The following CNTNAP2 variants were observed in gnomAD, a reference collection of about 807,000 sequenced individuals.
The protein encoded by CNTNAP2 is contactin associated protein 2, also known as contactin-associated protein-like 2.
Under a neutral mutation model 155.2 loss-of-function variants are expected in CNTNAP2, and 98 were observed. That is an observed-to-expected ratio of 0.63 (90% CI 0.54 to 0.75). CNTNAP2 has a LOEUF of 0.75. CNTNAP2 is among the 30% of genes least tolerant of loss of function. The probability of loss-of-function intolerance (pLI) is 0.00; values close to 1 mark genes in which losing one functional copy is unlikely to be tolerated. For missense variants in CNTNAP2, 1,727 were observed against 1,688.1 expected, an observed-to-expected ratio of 1.02 and a Z score of -0.40; for synonymous variants, 651 against 631.2, an observed-to-expected ratio of 1.03 and a Z score of -0.47.
chr7:147,975,006 T>TATACAATTTTTTGTATTACATATA (rs1563154313), intron 14 of CNTNAP2, among the ~76,000 whole-genome samples: 16 of 113,584 alleles, frequency 1.4e-4, no homozygotes, highest in Middle Eastern at 3.9e-3. Context: ...CAACATGTAT[T>TATACAATTTTTTGTATTACATATA]ATACAATTTT....
intron 5 of CNTNAP2, among the ~76,000 whole-genome samples, chr7:147,119,366 G>T (rs1024516491): frequency 6.6e-6 from 1 of 152,206 alleles, no homozygotes; most frequent in African/African-American, 2.4e-5. Context: ...GAGTTTTACT[G>T]ACTGACTGGA....
intron 2 of CNTNAP2, among the ~76,000 whole-genome samples, chr7:146,811,328 T>C (rs190133175): frequency 6.6e-6 from 1 of 152,164 alleles, no homozygotes; most frequent in African/African-American, 2.4e-5. Flanking sequence ...TTGTTATTGA[T>C]CTCAAATAGC....
intron 9 of CNTNAP2, among the ~76,000 whole-genome samples, chr7:147,374,161 ATTTT>A (rs200881264): frequency 6.6e-6 from 1 of 151,738 alleles, no homozygotes; most frequent in Non-Finnish European, 1.5e-5. Flanking sequence ...TTTTACTTTT[ATTTT>A]TTTTCTTACT....
chr7:148,409,505 T>A, intron 23 of CNTNAP2, 34 bp downstream of exon 23: 4 of 1,562,906 alleles, frequency 2.6e-6, no homozygotes, highest in Non-Finnish European at 3.5e-6. Context: ...TATATGGGGC[T>A]ACTCAACTAT....
Position 147,441,334 on chromosome 7 carries a change from T to C in CNTNAP2, c.1671-44601T>C, listed in dbSNP as rs138915667. On this transcript the variant is annotated intron_variant, in intron 10 of 23. Transcript: ENST00000361727. ...ATTATCTCAATCTTGTTGTTAAATT[T>C]ATCTGATAGAATTCTGAATTCCTTC... 1.5e-3 allele frequency among the ~76,000 whole-genome samples: 236 copies of C among 152,282 alleles called. 1 individual carries two copies. Among genetic ancestry groups the C allele is most frequent in the African/African-American group, 5.1e-3 (214 of 41,562 alleles).
Position 148,363,601 on chromosome 7 carries a change from T to C in CNTNAP2, c.3476-20048T>C, listed in dbSNP as rs377478635. 3.3e-3 allele frequency among the ~76,000 whole-genome samples: 503 copies of C among 152,326 alleles called. 6 individuals carry two copies. The highest frequency in any genetic ancestry group is 0.011 in the African/African-American group (460 of 41,572). On this transcript the variant is annotated intron_variant, in intron 21 of 23. Coordinates refer to ENST00000361727, the MANE Select transcript of CNTNAP2 (RefSeq NM_014141.6). ...CTTAGGGCTTTGCAATCACTGTTCC[T>C]TCTATCTGGAATGCTTTTTTCCTTG...
chr7:147,057,567 A>G (rs1799585512), intron 4 of CNTNAP2, among the ~76,000 whole-genome samples: 1 of 152,152 alleles, frequency 6.6e-6, no homozygotes, highest in Admixed American at 6.5e-5. Context: ...TGTCTCGTAC[A>G]CTGGAATCTT....
chr7:147,332,449 A>G (rs960257822), intron 9 of CNTNAP2, among the ~76,000 whole-genome samples: 22 of 152,012 alleles, frequency 1.4e-4, no homozygotes, highest in African/African-American at 5.3e-4. Context: ...TTTACTTACC[A>G]CTCAGAAAAT....
intron 1 of CNTNAP2, among the ~76,000 whole-genome samples, chr7:146,683,092 G>C (rs1800533506): frequency 6.6e-6 from 1 of 152,106 alleles, no homozygotes; most frequent in Admixed American, 6.5e-5. Context: ...GGAGTGCAGT[G>C]GCAGGATCTC....
At chr7:147,214,103 T>A (rs1267101488) in intron 8 of CNTNAP2, among the ~76,000 whole-genome samples, 1 of 152,172 alleles carries the variant, frequency 6.6e-6, no homozygotes, top group African/African-American at 2.4e-5. Context: ...TGGTAATTCT[T>A]AATCCAGTCA....
intron 22 of CNTNAP2, among the ~76,000 whole-genome samples, chr7:148,402,390 G>A (rs1053018014): frequency 6.6e-6 from 1 of 151,526 alleles, no homozygotes; most frequent in African/African-American, 2.5e-5. Context: ...GTCAGTACAT[G>A]CCACATAATG....
chr7:147,942,000 G>GTTAGTACCTCA (rs1253460351), intron 14 of CNTNAP2, among the ~76,000 whole-genome samples: 1 of 152,184 alleles, frequency 6.6e-6, no homozygotes, highest in East Asian at 1.9e-4. Context: ...GGCTGTCCAG[G>GTTAGTACCTCA]TTAGTACCTC....
chr7:147,910,303 ATGTCAGCCAC>A (rs1460424477), intron 14 of CNTNAP2, among the ~76,000 whole-genome samples: 2 of 152,184 alleles, frequency 1.3e-5, no homozygotes, highest in African/African-American at 4.8e-5. Context: ...TAGTAGTTAC[ATGTCAGCCAC>A]TGTTCATGTA....
rs199652264 is a variant in CNTNAP2, at chr7:146,588,529, TTTA to T, written c.98-185741_98-185739del. ...AGCTTATTATATGTATTTTTTTTTT[TTTA>T]AATTTACTCTGTCAATCAGGCTGAG... On this transcript the variant is annotated intron_variant, in intron 1 of 23. Coordinates refer to ENST00000361727, the MANE Select transcript of CNTNAP2 (RefSeq NM_014141.6). 5.4e-4 allele frequency among the ~76,000 whole-genome samples: 76 copies of T among 141,738 alleles called. 2 individuals are homozygous for T. The highest frequency in any genetic ancestry group is 2.3e-3 in the South Asian group (10 of 4,434). 93.0% of individuals were successfully genotyped at this position (141,738 alleles called of 152,430 possible).
intron 20 of CNTNAP2, among the ~76,000 whole-genome samples, chr7:148,256,212 C>T (rs1352562366): frequency 3.3e-5 from 5 of 152,090 alleles, no homozygotes; most frequent in East Asian, 1.9e-4. Context: ...TCACCAAAAC[C>T]GGTCGAAGTT....
intron 9 of CNTNAP2, among the ~76,000 whole-genome samples, chr7:147,325,161 A>G (rs1174879088): frequency 6.6e-6 from 1 of 152,070 alleles, no homozygotes; most frequent in Non-Finnish European, 1.5e-5. Context: ...TTAGCTGGGC[A>G]TGGTGGCACA....
At chr7:147,514,117 A>AC in intron 11 of CNTNAP2, among the ~76,000 whole-genome samples, 1 of 152,306 alleles carries the variant, frequency 6.6e-6, no homozygotes, top group Admixed American at 6.5e-5. Context: ...TACATGAAAA[A>AC]ATTAGAAAAA....
At chr7:147,317,898 G>A (rs1027045400) in intron 9 of CNTNAP2, among the ~76,000 whole-genome samples, 6 of 150,482 alleles carry the variant, frequency 4.0e-5, no homozygotes, top group Non-Finnish European at 3.0e-5. Flanking sequence ...TTAACTTTCT[G>A]CTTTCTACGG....
chr7:148,253,036 A>AGAT (rs60921678), intron 20 of CNTNAP2, among the ~76,000 whole-genome samples: 2,238 of 114,034 alleles, frequency 0.02, 27 homozygotes, highest in Non-Finnish European at 0.028. Context: ...ATAGATAGAT[A>AGAT]GATAGATAGA....
Sources: allele counts gnomAD v4.1 joint callset (sites outside exome capture counted in the v4.1 genomes callset), GRCh38; gene constraint gnomAD v4.1.1; transcripts MANE v1.5; gene names NCBI Gene and HGNC (gene_info 2026-07-23, HGNC 2026-07-21).